Variants in SARS1 observed in about 807,000 individuals in gnomAD.
SARS1 encodes serine--tRNA ligase, cytoplasmic.
SARS1 carries 25 observed loss-of-function variants against 63.7 expected under a neutral mutation model. The ratio of observed to expected loss-of-function variants is 0.39; its 90% CI spans 0.29 to 0.55. The LOEUF (loss-of-function observed/expected upper bound fraction) is 0.55. Among genes scored for constraint, SARS1 ranks in the 20% least tolerant of loss-of-function variants. The pLI is 0.62. For synonymous variants in SARS1, 231 were observed against 243.5 expected, an observed-to-expected ratio of 0.95 and a Z score of 0.48; for missense variants, 417 against 649.7, an observed-to-expected ratio of 0.64 and a Z score of 3.89.
rs1396946698 is a variant in SARS1 at position 109,235,018 on chromosome 1, C to A, written c.748-192C>A. 6.6e-6 allele frequency among the ~76,000 whole-genome samples: 1 copy of A among 152,192 alleles called. No homozygotes were observed. The highest frequency in any genetic ancestry group is 2.4e-5 in the African/African-American group (1 of 41,456). On this transcript the variant is annotated intron_variant, in intron 6 of 10. Coordinates refer to ENST00000234677, the MANE Select transcript of SARS1 (RefSeq NM_006513.4). This position sits in a 1 kb window ranked among gnomAD's most constrained non-coding sequence, Gnocchi z 4.7. Reference sequence around the variant, plus strand: ...TATTCTTTCCTCTTAATTTACATTTCTTTGATCTCTGTCAGGGACCCCATT... The same window carrying A: ...TATTCTTTCCTCTTAATTTACATTTATTTGATCTCTGTCAGGGACCCCATT...
intron 8 of SARS1, 137 bp from the exon 9 acceptor site, chr1:109,236,254 T>G: frequency 1.6e-6 from 2 of 1,286,638 alleles, no homozygotes; most frequent in African/African-American, 1.5e-5. Flanking sequence ...CTTGGGAGTA[T>G]TTGGTGTTAA....
Position 109,238,075 on chromosome 1 carries a change from C to G in SARS1, c.*187C>G, listed in dbSNP as rs374039692. 16 of 637,524 alleles carry G rather than the reference C, an allele frequency of 2.5e-5. No individual in the cohort carries two copies. The highest frequency in any genetic ancestry group is 2.0e-4 in the African/African-American group (11 of 54,458). 39.5% of individuals were successfully genotyped at this position (637,524 alleles called of 1,614,324 possible). On this transcript the variant is annotated 3_prime_UTR_variant, in exon 11 of 11. Transcript: ENST00000234677. ...TCCTCGCATGGGCATAGGGACCCAT[C>G]ATTGATGACTGATGAAACCATGTAA...
In SARS1 at chr1:109,229,790, T is replaced by A. The variant is rs1242271139; in HGVS notation, c.447+218T>A. ...TAGGAGGAGACTCCTGGCACAGAAA[T>A]CTCTTCTAAATAGGGCTGCTGTCCT... On this transcript the variant is annotated intron_variant, in intron 4 of 10. Coordinates refer to ENST00000234677, the MANE Select transcript of SARS1 (RefSeq NM_006513.4). Among the ~76,000 whole-genome samples the A allele has an allele frequency of 2.0e-5, 3 of 152,158 alleles. No individual in the cohort carries two copies. In the East Asian group the frequency reaches 5.8e-4, roughly 29 times the overall value.
intron 2 of SARS1, among the ~76,000 whole-genome samples, chr1:109,224,906 C>T (rs546139834): frequency 6.6e-6 from 1 of 152,156 alleles, no homozygotes; most frequent in Non-Finnish European, 1.5e-5. Context: ...GACTAGTCTG[C>T]ACAACATGGT....
At chr1:109,232,920 C>T (rs549573203) in intron 6 of SARS1, among the ~76,000 whole-genome samples, 50 of 152,272 alleles carry the variant, frequency 3.3e-4, no homozygotes, top group Non-Finnish European at 4.7e-4. Flanking sequence ...CTTATCCAGA[C>T]GCTTCTTGGA....
At chr1:109,221,995 TA>T (rs1557715354) in intron 1 of SARS1, among the ~76,000 whole-genome samples, 3,584 of 26,468 alleles carry the variant, frequency 0.14, 54 homozygotes, top group East Asian at 0.16. Context: ...TATATATATA[TA>T]TATATATATA....
Position 109,237,628 on chromosome 1 carries a change from C to G in SARS1, c.1388-103C>G. 7.4e-7 allele frequency: 1 copy of G among 1,345,278 alleles called. No homozygotes were observed. Among genetic ancestry groups the G allele is most frequent in the Non-Finnish European group, 1.0e-6 (1 of 970,022 alleles). 83.3% of individuals were successfully genotyped at this position (1,345,278 alleles called of 1,614,324 possible). A position where few individuals can be genotyped will look rare whatever the true frequency, so the allele number is the denominator to read the frequency against. On this transcript the variant is annotated intron_variant, in intron 10 of 10. Coordinates refer to ENST00000234677, the MANE Select transcript of SARS1 (RefSeq NM_006513.4). This position sits in a 1 kb window ranked among gnomAD's most constrained non-coding sequence, Gnocchi z 4.1. ...AAACCAGTGCCTATCAAAGGGACCC[C>G]TCTGTTCAAAGGGATCATTGTCTTG...
At chr1:109,236,960 C>A (rs1488066591) in intron 9 of SARS1, 2 of 1,489,658 alleles carry the variant, frequency 1.3e-6, no homozygotes, top group East Asian at 5.0e-5. Context: ...AAAGGAAAGG[C>A]CACAATAGTA....
In SARS1 at chr1:109,216,607, A is replaced by G. The variant is rs546589948; in HGVS notation, c.136+2479A>G. ...CCTGAGTGGTTTTTTTTTTCTTTTT[A>G]CTGTACATTGAAAATTGAAGTTGTT... On this transcript the variant is annotated intron_variant, in intron 1 of 10. Coordinates refer to ENST00000234677, the MANE Select transcript of SARS1 (RefSeq NM_006513.4). 5.2e-6 allele frequency: 5 copies of G among 958,216 alleles called. No homozygotes were observed. In the African/African-American group the frequency reaches 7.2e-5, roughly 14 times the overall value. The allele number at this position is 958,216 out of a possible 1,614,324, so 59.4% of individuals were successfully genotyped here. A position where few individuals can be genotyped will look rare whatever the true frequency, so the allele number is the denominator to read the frequency against.
intron 1 of SARS1, chr1:109,215,788 C>T (rs980066561): frequency 6.8e-6 from 3 of 439,414 alleles, no homozygotes; most frequent in Admixed American, 6.4e-5. Flanking sequence ...TCACTGCAAC[C>T]TCCATCTCCC....
At chr1:109,221,970 G>GTGTA (rs1654939076) in intron 1 of SARS1, among the ~76,000 whole-genome samples, 4 of 28,058 alleles carry the variant, frequency 1.4e-4, no homozygotes, top group African/African-American at 5.8e-4. Context: ...TTGTGTGTGT[G>GTGTA]TATATATATA....
chr1:109,226,736 A>ATT lies in SARS1; in HGVS notation c.208-1615_208-1614insTT, dbSNP rs1178199247. Among the ~76,000 whole-genome samples, 34 of 100,254 alleles carry ATT rather than the reference A, an allele frequency of 3.4e-4. 1 individual carries two copies. Among genetic ancestry groups the ATT allele is most frequent in the South Asian group, 6.1e-4 (2 of 3,264 alleles). The allele number at this position is 100,254 out of a possible 152,430, so 65.8% of individuals were successfully genotyped here. ...CACACACACACACACACATATATAT[A>ATT]TATTTATTTATTTATTTATTTATTT... On this transcript the variant is annotated intron_variant, in intron 2 of 10. Transcript: ENST00000234677.
At chr1:109,219,192 G>A (rs961373256) in intron 1 of SARS1, among the ~76,000 whole-genome samples, 12 of 144,672 alleles carry the variant, frequency 8.3e-5, no homozygotes, top group African/African-American at 3.1e-4. Context: ...CATGAACCCA[G>A]GAGGCGGAGC....
At chr1:109,228,495 C>T (rs1570759704) in intron 3 of SARS1, 63 bp downstream of exon 3, 2 of 1,154,652 alleles carry the variant, frequency 1.7e-6, no homozygotes, top group Middle Eastern at 1.9e-4. Context: ...TATTCCTAGA[C>T]AGCAAGTGCT....
intron 1 of SARS1, among the ~76,000 whole-genome samples, chr1:109,222,878 G>C (rs1654980650): frequency 6.6e-6 from 1 of 152,142 alleles, no homozygotes; most frequent in Non-Finnish European, 1.5e-5. Context: ...AGCTGGGTGT[G>C]GTGGCGCACA....
intron 2 of SARS1, among the ~76,000 whole-genome samples, chr1:109,226,995 C>CTTT (rs562155510): frequency 3.0e-5 from 4 of 131,242 alleles, no homozygotes; most frequent in African/African-American, 5.8e-5. Context: ...TTCTTTAACT[C>CTTT]TTTTTTTTTT....
chr1:109,232,681 C>A (rs1267420189), intron 6 of SARS1, among the ~76,000 whole-genome samples: 3 of 152,212 alleles, frequency 2.0e-5, no homozygotes, highest in Non-Finnish European at 4.4e-5. Context: ...ATCAGTATAA[C>A]CTTGACCTCC....
chr1:109,236,631 G>C (rs1655318030), intron 9 of SARS1, 83 bp downstream of exon 9: 1 of 1,534,824 alleles, frequency 6.5e-7, no homozygotes. Context: ...GGGGTGCACT[G>C]GTCCCCAGCA....
chr1:109,215,218 C>T (rs1654757191), intron 1 of SARS1: 3 of 985,334 alleles, frequency 3.0e-6, no homozygotes, highest in Non-Finnish European at 3.6e-6. Context: ...TGAGATTCCA[C>T]ACTTGACCTG....
Sources: allele counts gnomAD v4.1 joint callset (sites outside exome capture counted in the v4.1 genomes callset), GRCh38; gene constraint gnomAD v4.1.1; non-coding constraint Gnocchi (gnomAD v3.1); transcripts MANE v1.5; gene names NCBI Gene and HGNC (gene_info 2026-07-23, HGNC 2026-07-21).